TRAK1: variants seen among roughly 807,000 people sequenced by gnomAD.
TRAK1 encodes the protein trafficking kinesin-binding protein 1.
Under a neutral mutation model 92.1 loss-of-function variants are expected in TRAK1, and 33 were observed. The observed-to-expected ratio is 0.36, with a 90% CI of 0.27 to 0.48. TRAK1 has a LOEUF of 0.48. Ranked by LOEUF, TRAK1 falls within the 20% of genes least tolerant of loss-of-function variation. The pLI, the probability that TRAK1 is intolerant of heterozygous loss-of-function variation, is 0.99. For synonymous variants in TRAK1, 521 were observed against 517.3 expected (o/e 1.01, Z -0.10); for missense variants, 1,123 against 1,257.9 (o/e 0.89, Z 1.62).
intron 1 of TRAK1, among the ~76,000 whole-genome samples, chr3:42,033,232 G>T (rs1221670803): frequency 6.6e-6 from 1 of 152,108 alleles, no homozygotes; most frequent in Non-Finnish European, 1.5e-5. Flanking sequence ...TGTGTGAGGC[G>T]CAATTAGAGA....
chr3:42,140,703 C>T (rs1698535471), intron 2 of TRAK1, among the ~76,000 whole-genome samples: 1 of 152,166 alleles, frequency 6.6e-6, no homozygotes, highest in Non-Finnish European at 1.5e-5. Flanking sequence ...TTTTCTGAAG[C>T]AAGTGGAAGG....
At chr3:42,191,737 C>A (rs115418911) in intron 7 of TRAK1, 101 bp downstream of exon 7, 20 of 1,297,704 alleles carry the variant, frequency 1.5e-5, no homozygotes, top group Non-Finnish European at 2.1e-5. Flanking sequence ...TGCCAGCCTA[C>A]GGCTCAGCAG....
intron 1 of TRAK1, among the ~76,000 whole-genome samples, chr3:42,080,538 CTTGT>C (rs1704381157): frequency 6.6e-6 from 1 of 152,208 alleles, no homozygotes; most frequent in Admixed American, 6.5e-5. Context: ...TTTCTTAAGC[CTTGT>C]TTGTTTCCTC....
intron 1 of TRAK1, among the ~76,000 whole-genome samples, chr3:42,035,801 C>T (rs554424820): frequency 3.3e-5 from 5 of 152,330 alleles, no homozygotes; most frequent in South Asian, 2.1e-4. Flanking sequence ...CCATTCAGAG[C>T]GTTTTCAGTT....
At chr3:42,046,048 C>G (rs1439625422) in intron 1 of TRAK1, among the ~76,000 whole-genome samples, 1 of 152,122 alleles carries the variant, frequency 6.6e-6, no homozygotes, top group African/African-American at 2.4e-5. Context: ...CAGTATATTA[C>G]ATAGCGGGAG....
intron 2 of TRAK1, among the ~76,000 whole-genome samples, chr3:42,127,919 C>T (rs1237615431): frequency 1.3e-5 from 2 of 152,182 alleles, no homozygotes; most frequent in African/African-American, 4.8e-5. Flanking sequence ...TGGCTCACAC[C>T]TGTAATCCCA....
chr3:42,027,789 C>T lies in TRAK1; in HGVS notation c.-519+13672C>T, dbSNP rs984391790. 6.6e-5 allele frequency among the ~76,000 whole-genome samples: 10 copies of T among 152,102 alleles called. No homozygotes were observed. In the East Asian group the frequency reaches 1.3e-3, roughly 20 times the overall value. ...AACCAGGAACAACCATTTTTCACTT[C>T]TCTAATTTTATCTGAAGGAGGGGAA... On this transcript the variant is annotated intron_variant, in intron 1 of 16. Coordinates refer to the TRAK1 transcript ENST00000487159.
At chr3:42,194,691 A>G (rs1706334611) in intron 9 of TRAK1, 113 bp from the exon 10 acceptor site, 7 of 1,315,088 alleles carry the variant, frequency 5.3e-6, no homozygotes, top group Non-Finnish European at 7.2e-6. Flanking sequence ...AGCTGGTTCC[A>G]CACGTGCTGG....
At chr3:42,104,211 C>T (rs1707208601) in intron 1 of TRAK1, among the ~76,000 whole-genome samples, 1 of 152,174 alleles carries the variant, frequency 6.6e-6, no homozygotes, top group Non-Finnish European at 1.5e-5. Flanking sequence ...TCAAGGAGGC[C>T]TGCCTGCCTC....
At chr3:42,166,141 A>G (rs1701838321) in intron 2 of TRAK1, among the ~76,000 whole-genome samples, 1 of 152,094 alleles carries the variant, frequency 6.6e-6, no homozygotes, top group Non-Finnish European at 1.5e-5. Context: ...CGAGGGTACG[A>G]TTCATTTATT....
At chr3:42,086,782 G>C (rs1704699208), upstream of TRAK1, among the ~76,000 whole-genome samples, 1 of 152,126 alleles carries the variant, frequency 6.6e-6, no homozygotes, top group South Asian at 2.1e-4. Context: ...ACCTCTCTTT[G>C]TGTGTATAAA....
At chr3:42,186,042 G>GT (rs1043126354) in intron 4 of TRAK1, among the ~76,000 whole-genome samples, 1 of 132,982 alleles carries the variant, frequency 7.5e-6, no homozygotes, top group African/African-American at 2.9e-5. Flanking sequence ...GAGTGCAGTC[G>GT]TGAGATCACA....
intron 5 of TRAK1, among the ~76,000 whole-genome samples, chr3:42,188,742 TA>T (rs1705252555): frequency 6.6e-6 from 1 of 152,250 alleles, no homozygotes; most frequent in South Asian, 2.1e-4. Context: ...GAGTATTAAA[TA>T]AACTCCCAGA....
intron 1 of TRAK1, among the ~76,000 whole-genome samples, chr3:42,105,392 T>C (rs962699833): frequency 6.6e-6 from 1 of 152,166 alleles, no homozygotes; most frequent in African/African-American, 2.4e-5. Flanking sequence ...CAGTAGCCGA[T>C]TTGATCAACT....
intron 2 of TRAK1, among the ~76,000 whole-genome samples, chr3:42,130,795 C>G (rs1367353239): frequency 6.6e-6 from 1 of 152,076 alleles, no homozygotes; most frequent in African/African-American, 2.4e-5. Flanking sequence ...AAGTAAACAA[C>G]AACAACAAAG....
intron 1 of TRAK1, among the ~76,000 whole-genome samples, chr3:42,098,070 TTC>T (rs1277896075): frequency 6.6e-6 from 1 of 151,952 alleles, no homozygotes; most frequent in African/African-American, 2.4e-5. Flanking sequence ...CTTACCCACT[TTC>T]TGTCTGTTTC....
chr3:42,077,568 G>A (rs960339556), intron 1 of TRAK1, among the ~76,000 whole-genome samples: 5 of 152,226 alleles, frequency 3.3e-5, no homozygotes, highest in African/African-American at 1.2e-4. Context: ...GGATACAGGC[G>A]TGAGCCACCA....
At chr3:42,182,929 C>A (rs1162986094) in intron 3 of TRAK1, among the ~76,000 whole-genome samples, 1 of 152,162 alleles carries the variant, frequency 6.6e-6, no homozygotes, top group Non-Finnish European at 1.5e-5. Context: ...TAGCCTGCAC[C>A]TTTACTCTAC....
In TRAK1 at chr3:42,225,504, AT is replaced by A. The variant is rs1218203245; in HGVS notation, c.*1771del. On this transcript the variant is annotated 3_prime_UTR_variant, in exon 16 of 16. Transcript: ENST00000327628. The stretch of plus-strand genomic sequence containing the variant: ...AACTTATATCTTTTTATTTGAATGT[AT>A]TTTAAAGCAGTAGATAGAATAACAA... 6.6e-6 allele frequency: 1 copy of A among 152,218 alleles called. No homozygotes were observed. The highest frequency in any genetic ancestry group is 1.5e-5 in the Non-Finnish European group (1 of 68,042). The allele number at this position is 152,218 out of a possible 1,614,324, so 9.4% of individuals were successfully genotyped here.
Sources: allele counts gnomAD v4.1 joint callset (sites outside exome capture counted in the v4.1 genomes callset), GRCh38; gene constraint gnomAD v4.1.1; transcripts MANE v1.5; gene names NCBI Gene and HGNC (gene_info 2026-07-23, HGNC 2026-07-21).